TGFBRAP1: variants seen among roughly 807,000 people sequenced by gnomAD.
TGFBRAP1 encodes the protein transforming growth factor beta receptor associated protein 1, also known as transforming growth factor-beta receptor-associated protein 1.
Under a neutral mutation model 83.2 loss-of-function variants are expected in TGFBRAP1, and 20 were observed. The observed-to-expected ratio is 0.24, with a 90% CI of 0.17 to 0.35. TGFBRAP1 has a LOEUF of 0.35. Ranked by LOEUF, TGFBRAP1 falls within the 10% of genes least tolerant of loss-of-function variation. TGFBRAP1 has a pLI of 1.00. For synonymous variants in TGFBRAP1, 415 were observed against 459.8 expected, an observed-to-expected ratio of 0.90 and a Z score of 1.25; for missense variants, 950 against 1,099.4, an observed-to-expected ratio of 0.86 and a Z score of 1.92.
Position 105,306,124 on chromosome 2 carries a change from G to A in TGFBRAP1, c.688+1490C>T, listed in dbSNP as rs1190446434. Reference sequence around the variant, plus strand: ...GCTGCCCAGGCTGGAGTGCAATGGCGTGATCTCAGCTCACCGCAACTGCTG... The same window carrying A: ...GCTGCCCAGGCTGGAGTGCAATGGCATGATCTCAGCTCACCGCAACTGCTG... On this transcript the variant is annotated intron_variant, in intron 2 of 11. Transcript: ENST00000393359. 1.6e-4 allele frequency among the ~76,000 whole-genome samples: 24 copies of A among 147,630 alleles called. 1 individual carries two copies. The highest frequency in any genetic ancestry group is 1.1e-3 in the Admixed American group (16 of 14,698).
the TGFBRAP1 span, among the ~76,000 whole-genome samples, chr2:105,252,736 A>C: frequency 6.8e-6 from 1 of 146,968 alleles, no homozygotes; most frequent in African/African-American, 2.5e-5. Flanking sequence ...CTGTGATGTG[A>C]GATGATATTA....
the TGFBRAP1 span, among the ~76,000 whole-genome samples, chr2:105,253,226 G>T: frequency 3.9e-5 from 6 of 151,952 alleles, 1 homozygote; most frequent in East Asian, 7.8e-4. Flanking sequence ...TCCGCCTCCC[G>T]GGTTCAAGTG....
intron 2 of TGFBRAP1, among the ~76,000 whole-genome samples, chr2:105,305,602 T>C (rs995400562): frequency 2.6e-5 from 4 of 152,366 alleles, no homozygotes; most frequent in Non-Finnish European, 5.9e-5. Flanking sequence ...GAAAATGTTA[T>C]GGACATGACA....
downstream of TGFBRAP1, among the ~76,000 whole-genome samples, chr2:105,262,291 C>T (rs972231522): frequency 5.3e-5 from 8 of 152,098 alleles, no homozygotes; most frequent in African/African-American, 9.7e-5. Flanking sequence ...ATTACCTCCC[C>T]GTGGTAAAGA....
chr2:105,314,676 T>C (rs911237832), intron 1 of TGFBRAP1, among the ~76,000 whole-genome samples: 1 of 152,004 alleles, frequency 6.6e-6, no homozygotes, highest in African/African-American at 2.4e-5. Flanking sequence ...AGGCAGGGTT[T>C]GGTGTCTCAT....
At chr2:105,328,871 C>T (rs1275972562) in intron 1 of TGFBRAP1, among the ~76,000 whole-genome samples, 8 of 152,170 alleles carry the variant, frequency 5.3e-5, no homozygotes, top group Admixed American at 5.2e-4. Flanking sequence ...GAAGCCACGG[C>T]AGGTGCAGAC....
intron 4 of TGFBRAP1, among the ~76,000 whole-genome samples, chr2:105,286,309 C>T (rs1056107962): frequency 6.6e-6 from 1 of 152,148 alleles, no homozygotes; most frequent in Non-Finnish European, 1.5e-5. Context: ...TCAGATTCCA[C>T]CTAAAAATGC....
chr2:105,324,224 TAAC>T (rs1436184695), intron 1 of TGFBRAP1: 1 of 152,212 alleles, frequency 6.6e-6, no homozygotes, highest in East Asian at 1.9e-4. Context: ...TACAAGACGT[TAAC>T]AAAAGAGGAA....
At chr2:105,300,749 A>T (rs1558645676) in intron 2 of TGFBRAP1, among the ~76,000 whole-genome samples, 1 of 152,062 alleles carries the variant, frequency 6.6e-6, no homozygotes, top group Non-Finnish European at 1.5e-5. Context: ...TCAAATCTTT[A>T]TAACTAAAAC....
Position 105,307,644 on chromosome 2 carries a change from C to T in TGFBRAP1, c.658G>A (p.Glu220Lys). The T allele has an allele frequency of 6.2e-7, 1 of 1,613,608 alleles. No homozygotes were observed. The highest frequency in any genetic ancestry group is 8.5e-7 in the Non-Finnish European group (1 of 1,179,798). ...CCTCCGGGGCCCGCCAGCAGGAACTCCTGTCTCCCTATCCTCTTGACGATC... is the reference window on the plus strand; with the variant it reads ...CCTCCGGGGCCCGCCAGCAGGAACTTCTGTCTCCCTATCCTCTTGACGATC... ...PPIVKRIGRQ[E>K]FLLAGPGGLG... Residue 220 changes from glutamate (E) to lysine (K), a missense_variant, in exon 2 of 12, where the codon GAG becomes AAG. Glu to Lys is a moderately conservative substitution (Grantham distance 56). Coordinates refer to ENST00000393359, the MANE Select transcript of TGFBRAP1 (RefSeq NM_004257.6).
intron 6 of TGFBRAP1, 101 bp from the exon 7 acceptor site, chr2:105,277,772 C>CA: frequency 8.7e-7 from 1 of 1,148,262 alleles, no homozygotes; most frequent in Non-Finnish European, 1.3e-6. Flanking sequence ...ATATTCTATT[C>CA]AACTCGAGTT....
intron 1 of TGFBRAP1, among the ~76,000 whole-genome samples, chr2:105,311,610 A>T (rs1178520493): frequency 1.3e-5 from 2 of 151,964 alleles, no homozygotes; most frequent in Non-Finnish European, 2.9e-5. Context: ...AAAAAGAAAA[A>T]AAAATTGGCT....
At chr2:105,327,765 G>A (rs1679265156) in intron 1 of TGFBRAP1, among the ~76,000 whole-genome samples, 2 of 152,170 alleles carry the variant, frequency 1.3e-5, no homozygotes, top group Non-Finnish European at 2.9e-5. Flanking sequence ...TGGTGAAAAC[G>A]CTCTGCCTCC....
the TGFBRAP1 span, among the ~76,000 whole-genome samples, chr2:105,255,944 C>T: frequency 2.6e-5 from 4 of 152,098 alleles, no homozygotes; most frequent in East Asian, 3.9e-4. Flanking sequence ...TGCCCCTTCT[C>T]GTGGGAGCTG....
rs778330910 is a variant in TGFBRAP1 at position 105,272,974 on chromosome 2, T to C, written c.1853A>G (p.Glu618Gly). The C allele has an allele frequency of 3.7e-6, 6 of 1,613,516 alleles. No individual in the cohort carries two copies. The highest frequency in any genetic ancestry group is 1.7e-5 in the Admixed American group (1 of 59,984). ...YHTHLAVLYL[E>G]EVLLQRASAS... ...GGAGGCCCTCTGCAGCAGCACCTCT[T>C]CCAGGTACAGCACAGCTAAGTGGGT... is the stretch of plus-strand genomic sequence containing the variant. The change falls in exon 10 of 12, where the codon GAA (glutamate) becomes GGA (glycine). Residue 618 changes from glutamate (E) to glycine (G), a missense_variant. Transcript: ENST00000393359.
chr2:105,314,250 T>A (rs926906253), intron 1 of TGFBRAP1, among the ~76,000 whole-genome samples: 1 of 80,126 alleles, frequency 1.2e-5, no homozygotes, highest in African/African-American at 9.7e-5. Flanking sequence ...GTACTTTCTC[T>A]TTTTTTTTTT....
At chr2:105,273,736 C>T (rs1313257638) in intron 8 of TGFBRAP1, 46 bp from the exon 9 acceptor site, 1 of 1,592,882 alleles carries the variant, frequency 6.3e-7, no homozygotes, top group East Asian at 2.2e-5. Context: ...CCAAACCCAC[C>T]TTTCCTTTAA....
chr2:105,262,665 A>G (rs1676816363), downstream of TGFBRAP1, among the ~76,000 whole-genome samples: 2 of 152,190 alleles, frequency 1.3e-5, no homozygotes, highest in Admixed American at 6.5e-5. Flanking sequence ...GACACCTGAC[A>G]TTTGACTTCT....
intron 1 of TGFBRAP1, among the ~76,000 whole-genome samples, chr2:105,311,202 C>G (rs973743231): frequency 6.7e-6 from 1 of 148,984 alleles, no homozygotes; most frequent in African/African-American, 2.5e-5. Context: ...AAAGTCATAA[C>G]TCTATAATAT....
Sources: allele counts gnomAD v4.1 joint callset (sites outside exome capture counted in the v4.1 genomes callset), GRCh38; gene constraint gnomAD v4.1.1; transcripts MANE v1.5; gene names NCBI Gene and HGNC (gene_info 2026-07-23, HGNC 2026-07-21).